Variants in USP53 observed in about 807,000 individuals in gnomAD.
The protein encoded by USP53 is ubiquitin carboxyl-terminal hydrolase 53.
A neutral mutation model predicts 94.9 loss-of-function variants in USP53; 71 were observed. The ratio of observed to expected loss-of-function variants is 0.75; its 90% CI spans 0.62 to 0.91. USP53 has a LOEUF of 0.91. USP53 is among the 40% of genes least tolerant of loss of function. The pLI is 0.00. For synonymous variants in USP53, 375 were observed against 422.7 expected, an observed-to-expected ratio of 0.89 and a Z score of 1.39; for missense variants, 1,173 against 1,281.0, an observed-to-expected ratio of 0.92 and a Z score of 1.29.
In USP53 at chr4:119,293,142, G is replaced by A. The variant is rs1754960087; in HGVS notation, c.3153G>A (p.Leu1051=). Reference sequence around the variant, plus strand: ...GCTGCATGACGGATACATATAGATTGAAATACCATCAGAGGCCCAAGCTCT... The same window carrying A: ...GCTGCATGACGGATACATATAGATTAAAATACCATCAGAGGCCCAAGCTCT... ...VDSCMTDTYR[L]KYHQRPKLSF... The change falls in exon 19 of 19, where the codon TTG becomes TTA. Residue 1051 remains leucine, a synonymous_variant. Coordinates refer to ENST00000692078, the MANE Select transcript of USP53 (RefSeq NM_001371395.1). The A allele has an allele frequency of 6.2e-7, 1 of 1,613,300 alleles. No homozygotes were observed. Among genetic ancestry groups the A allele is most frequent in the Non-Finnish European group, 8.5e-7 (1 of 1,179,870 alleles).
At chr4:119,226,984 T>G (rs1201236776) in intron 3 of USP53, among the ~76,000 whole-genome samples, 5 of 151,666 alleles carry the variant, frequency 3.3e-5, no homozygotes, top group Non-Finnish European at 7.4e-5. Context: ...TATAGGCATG[T>G]GCCACCATGC....
intron 7 of USP53, among the ~76,000 whole-genome samples, chr4:119,254,733 A>G (rs942258931): frequency 1.3e-5 from 2 of 152,158 alleles, no homozygotes; most frequent in African/African-American, 4.8e-5. Flanking sequence ...TCAACTCTTC[A>G]AACTCGTTCT....
intron 7 of USP53, among the ~76,000 whole-genome samples, chr4:119,251,348 A>G (rs1158508666): frequency 6.6e-6 from 1 of 152,200 alleles, no homozygotes; most frequent in Non-Finnish European, 1.5e-5. Flanking sequence ...TATTGTGAAT[A>G]GTGCCACAAT....
chr4:119,290,480 C>T, intron 17 of USP53, among the ~76,000 whole-genome samples: 1 of 152,078 alleles, frequency 6.6e-6, no homozygotes, highest in South Asian at 2.1e-4. Flanking sequence ...ATATACTTAA[C>T]CTTTCTAAGC....
At chr4:119,233,678 C>A (rs905263403) in intron 3 of USP53, among the ~76,000 whole-genome samples, 3 of 152,126 alleles carry the variant, frequency 2.0e-5, no homozygotes, top group Non-Finnish European at 2.9e-5. Context: ...TACATATCTT[C>A]AATTGGTGAA....
chr4:119,259,735 A>G (rs1177334067), intron 9 of USP53, 85 bp from the exon 10 acceptor site: 11 of 1,008,466 alleles, frequency 1.1e-5, no homozygotes, highest in Admixed American at 2.2e-5. Flanking sequence ...AGTGATGCAC[A>G]TCTAAACTGA....
chr4:119,260,433 A>G, intron 10 of USP53, 74 bp from the exon 11 acceptor site: 2 of 1,350,864 alleles, frequency 1.5e-6, no homozygotes, highest in Non-Finnish European at 1.0e-6. Flanking sequence ...AATTGTCATT[A>G]TATAATGCAA....
chr4:119,253,521 C>G (rs1749328409), intron 7 of USP53, among the ~76,000 whole-genome samples: 1 of 152,132 alleles, frequency 6.6e-6, no homozygotes, highest in South Asian at 2.1e-4. Context: ...CCTGTTTTAT[C>G]AGAGACCAGG....
intron 17 of USP53, among the ~76,000 whole-genome samples, chr4:119,275,860 G>A (rs1035033493): frequency 1.8e-4 from 28 of 151,810 alleles, no homozygotes; most frequent in African/African-American, 3.4e-4. Context: ...CTTTGAAGCA[G>A]TTGTGAATGG....
At chr4:119,291,995 AAC>A (rs1754814010) in intron 18 of USP53, among the ~76,000 whole-genome samples, 1 of 152,142 alleles carries the variant, frequency 6.6e-6, no homozygotes. Flanking sequence ...TTTGACTGTT[AAC>A]ACTTTCCTCA....
rs925686270 is a variant in USP53 at position 119,272,059 on chromosome 4, T to C, written c.2174+25T>C. The C allele has an allele frequency of 3.9e-6, 6 of 1,525,460 alleles. No homozygotes were observed. The African/African-American group carries it at 8.4e-5, about 21-fold the overall frequency. The allele number at this position is 1,525,460 out of a possible 1,614,324, so 94.5% of individuals were successfully genotyped here. A position where few individuals can be genotyped will look rare whatever the true frequency, so the allele number is the denominator to read the frequency against. On this transcript the variant is annotated intron_variant, in intron 16 of 18. Transcript: ENST00000692078. The stretch of plus-strand genomic sequence containing the variant: ...GGTAATGTAAAAGTTGAGTGAATCA[T>C]TTTTCCATCACTCTTCTTTTTTGTT...
intron 3 of USP53, among the ~76,000 whole-genome samples, chr4:119,223,969 G>A (rs1744894779): frequency 6.6e-6 from 1 of 151,968 alleles, no homozygotes; most frequent in Non-Finnish European, 1.5e-5. Context: ...TTTTATTGGA[G>A]ACCTGAATTT....
chr4:119,261,351 T>C (rs1750498446), intron 11 of USP53, among the ~76,000 whole-genome samples: 1 of 152,212 alleles, frequency 6.6e-6, no homozygotes, highest in African/African-American at 2.4e-5. Context: ...TTTTAGATAA[T>C]ATGTTTAATG....
chr4:119,251,784 T>C (rs1388262970), intron 7 of USP53, among the ~76,000 whole-genome samples: 1 of 152,202 alleles, frequency 6.6e-6, no homozygotes, highest in African/African-American at 2.4e-5. Context: ...GTAGGAGTGG[T>C]GAGAGAGGGC....
At position 119,239,609 on chromosome 4, in the gene USP53, A is replaced by C. The variant is rs1360950766; in HGVS notation, c.-151A>C. 3 of 886,658 alleles carry C rather than the reference A, an allele frequency of 3.4e-6. No homozygotes were observed. The East Asian group carries it at 8.1e-5, about 24-fold the overall frequency. The allele number at this position is 886,658 out of a possible 1,614,324, so 54.9% of individuals were successfully genotyped here. ...TTGTCAGAGTCTTTAAGAGTTTATA[A>C]CATCAGGAAAGATATGGACTTGGAA... is the stretch of plus-strand genomic sequence containing the variant. On this transcript the variant is annotated 5_prime_UTR_variant, in exon 5 of 19. Transcript: ENST00000692078.
At chr4:119,267,541 A>C in intron 13 of USP53, 59 bp downstream of exon 13, 10 of 1,472,980 alleles carry the variant, frequency 6.8e-6, no homozygotes, top group Non-Finnish European at 9.2e-6. Flanking sequence ...AACTAGGAAT[A>C]CTAGTACTCT....
At chr4:119,285,649 T>G (rs1043364587) in intron 17 of USP53, among the ~76,000 whole-genome samples, 2 of 151,896 alleles carry the variant, frequency 1.3e-5, no homozygotes, top group African/African-American at 4.8e-5. Context: ...AATAAAAAAT[T>G]TTGTCAGAAG....
intron 7 of USP53, among the ~76,000 whole-genome samples, chr4:119,255,608 C>G (rs1350504414): frequency 2.0e-5 from 3 of 152,224 alleles, no homozygotes; most frequent in Non-Finnish European, 4.4e-5. Flanking sequence ...GTGGGAGAAG[C>G]TCAGTATTTC....
intron 2 of USP53, among the ~76,000 whole-genome samples, chr4:119,214,424 A>G (rs1260348321): frequency 6.6e-6 from 1 of 152,072 alleles, no homozygotes; most frequent in East Asian, 1.9e-4. Context: ...GAGACTAAGA[A>G]CTGGCCTTTC....
Sources: allele counts gnomAD v4.1 joint callset (sites outside exome capture counted in the v4.1 genomes callset), GRCh38; gene constraint gnomAD v4.1.1; transcripts MANE v1.5; gene names NCBI Gene and HGNC (gene_info 2026-07-23, HGNC 2026-07-21).